Variants in PROM1 observed in about 807,000 individuals in gnomAD.
PROM1 encodes prominin 1.
Under a neutral mutation model 116.9 loss-of-function variants are expected in PROM1, and 105 were observed. The observed-to-expected ratio is 0.90, with a 90% CI of 0.77 to 1.06. The LOEUF (loss-of-function observed/expected upper bound fraction) is 1.06. Among genes scored for constraint, PROM1 ranks in the 50% least tolerant of loss-of-function variants. The probability of loss-of-function intolerance (pLI) is 0.00; values close to 1 mark genes in which losing one functional copy is unlikely to be tolerated. For synonymous variants in PROM1, 393 were observed against 387.0 expected (o/e 1.02, Z -0.18); for missense variants, 1,122 against 1,045.2 (o/e 1.07, Z -1.01).
intron 13 of PROM1, among the ~76,000 whole-genome samples, chr4:16,005,491 G>C (rs1038663322): frequency 1.6e-5 from 2 of 125,130 alleles, no homozygotes; most frequent in African/African-American, 6.3e-5. Context: ...TTTTTTGTTT[G>C]TTTGGTGTGT....
intron 2 of PROM1, among the ~76,000 whole-genome samples, chr4:16,072,256 T>C (rs562495731): frequency 1.3e-5 from 2 of 152,100 alleles, no homozygotes; most frequent in Admixed American, 1.3e-4. Flanking sequence ...ACAAGAAGGG[T>C]TTCTCTTAGA....
intron 11 of PROM1, among the ~76,000 whole-genome samples, chr4:16,010,434 C>A (rs1352683693): frequency 2.0e-5 from 3 of 152,132 alleles, no homozygotes; most frequent in Non-Finnish European, 4.4e-5. Flanking sequence ...CCTGAGGCTC[C>A]CGGTGAACTT....
At chr4:15,980,029 G>A (rs1717368322) in intron 24 of PROM1, 125 bp from the exon 25 acceptor site, 6 of 652,598 alleles carry the variant, frequency 9.2e-6, no homozygotes, top group Non-Finnish European at 1.6e-5. Context: ...AAAGACCCAT[G>A]TTGAAAGATA....
intron 26 of PROM1, chr4:15,976,203 C>A: frequency 2.2e-6 from 1 of 455,660 alleles, no homozygotes; most frequent in Non-Finnish European, 4.4e-6. Flanking sequence ...ACACTAAAAG[C>A]CCAAGATGAA....
At chr4:16,056,398 A>T (rs1739026462) in intron 2 of PROM1, among the ~76,000 whole-genome samples, 1 of 152,094 alleles carries the variant, frequency 6.6e-6, no homozygotes, top group African/African-American at 2.4e-5. Flanking sequence ...TGCACGCAAC[A>T]ATTATGGGGT....
Position 16,018,426 on chromosome 4 carries a change from G to C in PROM1, c.899C>G (p.Ser300Ter). Reference protein sequence around the residue: ...SLTSVKTSLRSSLNDPLCLVH... With the variant: ...SLTSVKTSLR The stretch of plus-strand genomic sequence containing the variant: ...CAAGCACAGAGGGTCATTGAGAGAT[G>C]ACCGCAGGCTAGTTTTCACGCTGGT... The change falls in exon 9 of 28, where the codon TCA becomes TGA. Residue 300 changes from serine to a stop codon, truncating the protein, a stop_gained. Transcript: ENST00000447510. LOFTEE classifies it high-confidence loss of function. The C allele has an allele frequency of 1.2e-6, 2 of 1,613,864 alleles. No individual in the cohort carries two copies. The highest frequency in any genetic ancestry group is 1.7e-6 in the Non-Finnish European group (2 of 1,179,898).
intron 26 of PROM1, among the ~76,000 whole-genome samples, chr4:15,974,719 C>T (rs1222516781): frequency 6.6e-6 from 1 of 152,152 alleles, no homozygotes; most frequent in Non-Finnish European, 1.5e-5. Flanking sequence ...GATCCTCTGT[C>T]CTCAGCCTCC....
intron 10 of PROM1, 23 bp from the exon 11 acceptor site, chr4:16,013,361 A>G (rs761954659): frequency 1.5e-5 from 23 of 1,548,706 alleles, no homozygotes; most frequent in Non-Finnish European, 2.1e-5. Context: ...TCAAAATAAA[A>G]GGATGTACAC....
At chr4:16,034,511 T>A (rs1005032137) in intron 4 of PROM1, among the ~76,000 whole-genome samples, 1 of 151,958 alleles carries the variant, frequency 6.6e-6, no homozygotes, top group Non-Finnish European at 1.5e-5. Context: ...GGTTCCTGAG[T>A]TCCTAGGAAC....
intron 17 of PROM1, 24 bp from the exon 18 acceptor site, chr4:15,991,317 G>A (rs1577882505): frequency 6.5e-7 from 1 of 1,540,198 alleles, no homozygotes; most frequent in Non-Finnish European, 8.8e-7. Flanking sequence ...GAAAAAAATT[G>A]TCTTATGGAT....
intron 2 of PROM1, among the ~76,000 whole-genome samples, chr4:16,048,953 G>T (rs1191445214): frequency 6.6e-6 from 1 of 152,176 alleles, no homozygotes; most frequent in Non-Finnish European, 1.5e-5. Flanking sequence ...ACAGGGTGAA[G>T]GGACGCTCCA....
chr4:15,978,946 T>C (rs1247609056), intron 26 of PROM1, among the ~76,000 whole-genome samples: 1 of 151,722 alleles, frequency 6.6e-6, no homozygotes, highest in African/African-American at 2.4e-5. Context: ...ATAATTGAGG[T>C]TCTTTTTCTG....
chr4:16,018,417 T>C lies in PROM1; in HGVS notation c.908A>G (p.Asn303Ser), dbSNP rs1205174347. The C allele has an allele frequency of 4.3e-6, 7 of 1,613,768 alleles. No homozygotes were observed. In the Admixed American group the frequency reaches 8.3e-5, roughly 19 times the overall value. ...TGGATGCACCAAGCACAGAGGGTCA[T>C]TGAGAGATGACCGCAGGCTAGTTTT... Reference protein sequence around the residue: ...SVKTSLRSSLNDPLCLVHPSS... With the variant: ...SVKTSLRSSLSDPLCLVHPSS... Residue 303 changes from asparagine to serine, a missense_variant, in exon 9 of 28, where the codon AAT becomes AGT. Physicochemically the swap from Asn to Ser is conservative, Grantham distance 46. Transcript: ENST00000447510.
At chr4:16,059,219 G>A (rs1170741296) in intron 2 of PROM1, among the ~76,000 whole-genome samples, 1 of 152,140 alleles carries the variant, frequency 6.6e-6, no homozygotes, top group Admixed American at 6.5e-5. Flanking sequence ...TTCCTGCTCT[G>A]CCCACTCACA....
intron 25 of PROM1, 65 bp downstream of exon 25, chr4:15,979,816 C>G: frequency 1.5e-6 from 2 of 1,297,612 alleles, no homozygotes; most frequent in Non-Finnish European, 1.1e-6. Context: ...TTTTAAAGTC[C>G]ATTACATAAT....
At chr4:16,052,661 T>C (rs530082404) in intron 2 of PROM1, among the ~76,000 whole-genome samples, 1 of 152,268 alleles carries the variant, frequency 6.6e-6, no homozygotes, top group South Asian at 2.1e-4. Flanking sequence ...TTGTATTTTT[T>C]CTAGAAACGA....
intron 2 of PROM1, among the ~76,000 whole-genome samples, chr4:16,059,973 C>G (rs1156350105): frequency 6.6e-6 from 1 of 152,064 alleles, no homozygotes. Context: ...AAAAAGAAAG[C>G]AAGGTGCCAA....
Position 16,017,714 on chromosome 4 carries a change from A to G in PROM1, c.1002+609T>C, listed in dbSNP as rs184851616. ...CGGGTGCCTGTAATCTCAGCTACTC[A>G]GGAGGCTGAGGCAAGAGAATCACTT... On this transcript the variant is annotated intron_variant, in intron 9 of 27. Transcript: ENST00000447510. Among the ~76,000 whole-genome samples the G allele has an allele frequency of 8.7e-4, 132 of 152,252 alleles. 3 individuals are homozygous for G. The highest frequency in any genetic ancestry group is 3.0e-3 in the African/African-American group (124 of 41,544).
intron 2 of PROM1, among the ~76,000 whole-genome samples, chr4:16,046,787 G>A (rs932212080): frequency 6.6e-6 from 1 of 152,214 alleles, no homozygotes; most frequent in African/African-American, 2.4e-5. Flanking sequence ...TGTCTACACA[G>A]AGTGGGTACT....
Sources: gnomAD v4.1 joint callset for allele counts (sites outside exome capture counted in the v4.1 genomes callset) on GRCh38, gnomAD v4.1.1 for gene constraint, MANE v1.5 for transcripts, NCBI Gene and HGNC (gene_info 2026-07-23, HGNC 2026-07-21) for gene names.